The following TM7SF3 variants were observed in gnomAD, a reference collection of about 807,000 sequenced individuals.
TM7SF3 encodes the protein transmembrane 7 superfamily member 3.
A neutral mutation model predicts 65.5 loss-of-function variants in TM7SF3; 60 were observed. The ratio of observed to expected loss-of-function variants is 0.92; its 90% CI spans 0.74 to 1.14. TM7SF3 has a LOEUF of 1.14. Ranked by LOEUF, TM7SF3 falls within the 50% of genes most tolerant of loss-of-function variation. TM7SF3 has a pLI of 0.00. For synonymous variants in TM7SF3, 264 were observed against 259.6 expected, an observed-to-expected ratio of 1.02 and a Z score of -0.16; for missense variants, 623 against 684.8, an observed-to-expected ratio of 0.91 and a Z score of 1.01.
rs1940606974 is a variant in TM7SF3 at position 26,996,608 on chromosome 12, T to C, written c.518+134A>G. The stretch of plus-strand genomic sequence containing the variant: ...CCAAATATTAATAGTGAAGTTTAAA[T>C]TACATCAATTCCCCCCAAAAATTAA... On this transcript the variant is annotated intron_variant, in intron 4 of 11. Transcript: ENST00000343028. 16 of 859,636 alleles carry C rather than the reference T, an allele frequency of 1.9e-5. No homozygotes were observed. The East Asian group carries it at 4.6e-4, about 25-fold the overall frequency. The allele number at this position is 859,636 out of a possible 1,614,324, so 53.3% of individuals were successfully genotyped here.
intron 5 of TM7SF3, 97 bp downstream of exon 5, chr12:26,995,138 GAA>G: frequency 7.9e-7 from 1 of 1,259,082 alleles, no homozygotes; most frequent in Non-Finnish European, 1.1e-6. Context: ...CCAAAAAGGA[GAA>G]AAGAGTAAAG....
At chr12:26,991,045 T>C (rs567035911) in intron 5 of TM7SF3, among the ~76,000 whole-genome samples, 1 of 152,262 alleles carries the variant, frequency 6.6e-6, no homozygotes, top group Admixed American at 6.5e-5. Flanking sequence ...ACGCAGACAG[T>C]CTGTTAACAT....
Position 26,980,525 on chromosome 12 carries a change from C to T in TM7SF3, c.1036+41G>A, listed in dbSNP as rs371836694. ...AAGGTGAAGTAAAACACAGCACCTG[C>T]CTTCTTGAATACCCAGTTAAACTAT... On this transcript the variant is annotated intron_variant, in intron 8 of 11. Coordinates refer to ENST00000343028, the MANE Select transcript of TM7SF3 (RefSeq NM_016551.3). The T allele has an allele frequency of 2.6e-5, 26 of 1,010,410 alleles. No homozygotes were observed. The African/African-American group carries it at 4.2e-4, about 16-fold the overall frequency. The allele number at this position is 1,010,410 out of a possible 1,614,324, so 62.6% of individuals were successfully genotyped here.
At chr12:27,006,749 G>A (rs1941053415) in intron 1 of TM7SF3, among the ~76,000 whole-genome samples, 1 of 152,092 alleles carries the variant, frequency 6.6e-6, no homozygotes, top group Non-Finnish European at 1.5e-5. Context: ...CCATTTAACA[G>A]GTCTTATATA....
chr12:27,013,370 C>T (rs1941322956), intron 1 of TM7SF3, among the ~76,000 whole-genome samples: 1 of 152,144 alleles, frequency 6.6e-6, no homozygotes, highest in Non-Finnish European at 1.5e-5. Flanking sequence ...GTAAGGAGAA[C>T]AACTCTGATA....
chr12:26,999,159 G>T (rs1201581440), intron 3 of TM7SF3, among the ~76,000 whole-genome samples: 1 of 152,198 alleles, frequency 6.6e-6, no homozygotes, highest in Admixed American at 6.5e-5. Context: ...CACTTTGGGA[G>T]GCTGAGGCGG....
intron 1 of TM7SF3, among the ~76,000 whole-genome samples, chr12:27,008,563 G>A (rs1221471784): frequency 6.6e-6 from 1 of 152,002 alleles, no homozygotes; most frequent in African/African-American, 2.4e-5. Context: ...AGTCCCTTTT[G>A]TGTCATTTTA....
In TM7SF3 at chr12:27,002,709, T is replaced by C. The variant is rs147351796; in HGVS notation, c.246+527A>G. Among the ~76,000 whole-genome samples the C allele has an allele frequency of 6.7e-3, 1,014 of 152,312 alleles. 15 individuals carry two copies. Among genetic ancestry groups the C allele is most frequent in the African/African-American group, 0.022 (929 of 41,566 alleles). On this transcript the variant is annotated intron_variant, in intron 2 of 11. Transcript: ENST00000343028. ...CTGAGGTTGAGGTTAAGGGGTTTAG[T>C]GATGACATCTATAATAGAGTCCTTA...
chr12:26,975,388 G>T (rs1402503432), intron 11 of TM7SF3, 108 bp downstream of exon 11: 2 of 1,116,852 alleles, frequency 1.8e-6, no homozygotes, highest in African/African-American at 1.6e-5. Flanking sequence ...CCCTCCTTTT[G>T]TCCCAGTTGA....
chr12:26,985,678 TAC>T (rs551151393), intron 6 of TM7SF3, among the ~76,000 whole-genome samples: 16,485 of 108,160 alleles, frequency 0.15, 1,302 homozygotes, highest in Non-Finnish European at 0.18. Context: ...TATATATATA[TAC>T]ACACACACAA....
At chr12:27,009,808 T>C (rs1941178297) in intron 1 of TM7SF3, among the ~76,000 whole-genome samples, 1 of 152,168 alleles carries the variant, frequency 6.6e-6, no homozygotes, top group South Asian at 2.1e-4. Flanking sequence ...ACTCCTAACA[T>C]AGTGTTTGAT....
intron 1 of TM7SF3, among the ~76,000 whole-genome samples, chr12:27,009,517 T>C (rs1417299155): frequency 6.6e-6 from 1 of 152,274 alleles, no homozygotes; most frequent in African/African-American, 2.4e-5. Context: ...GAATACGTAA[T>C]GTTTCTTGAG....
chr12:26,999,446 A>G lies in TM7SF3; in HGVS notation c.397+80T>C, dbSNP rs113096836. The G allele has an allele frequency of 1.6e-3, 2,348 of 1,451,142 alleles. 22 individuals carry two copies. The African/African-American group carries it at 0.03, about 18-fold the overall frequency. 89.9% of individuals were successfully genotyped at this position (1,451,142 alleles called of 1,614,324 possible). A position where few individuals can be genotyped will look rare whatever the true frequency, so the allele number is the denominator to read the frequency against. On this transcript the variant is annotated intron_variant, in intron 3 of 11. Coordinates refer to ENST00000343028, the MANE Select transcript of TM7SF3 (RefSeq NM_016551.3). ...ATTATACTTGCAACAAACAATCTCA[A>G]TAGGATAATTTTCCTTAAAGTTTCA...
chr12:26,989,977 CCCT>C (rs2136409026), intron 6 of TM7SF3, among the ~76,000 whole-genome samples: 1 of 152,278 alleles, frequency 6.6e-6, no homozygotes, highest in East Asian at 1.9e-4. Flanking sequence ...ACTTCCTTTG[CCCT>C]CCTCGTTCTC....
intron 5 of TM7SF3, among the ~76,000 whole-genome samples, chr12:26,991,896 T>C (rs1940383890): frequency 1.3e-5 from 2 of 152,238 alleles, no homozygotes; most frequent in African/African-American, 2.4e-5. Context: ...TCACTGTGCA[T>C]GTCCTACCAC....
intron 1 of TM7SF3, among the ~76,000 whole-genome samples, chr12:27,009,706 T>C (rs1941174937): frequency 6.6e-6 from 1 of 152,188 alleles, no homozygotes; most frequent in Admixed American, 6.5e-5. Flanking sequence ...CCCTGCTTTT[T>C]CTTTTAAATG....
At chr12:26,996,917 T>C in intron 3 of TM7SF3, 55 bp from the exon 4 acceptor site, 3 of 1,546,734 alleles carry the variant, frequency 1.9e-6, no homozygotes, top group Non-Finnish European at 2.6e-6. Flanking sequence ...ATCCAAATCA[T>C]ACTCAGAAAA....
intron 5 of TM7SF3, 56 bp from the exon 6 acceptor site, chr12:26,990,683 G>A (rs1940317218): frequency 7.3e-7 from 1 of 1,364,122 alleles, no homozygotes; most frequent in South Asian, 1.3e-5. Flanking sequence ...AAGCTATTCT[G>A]TGATAATCCC....
intron 2 of TM7SF3, among the ~76,000 whole-genome samples, chr12:27,003,009 C>T (rs1440336947): frequency 6.6e-6 from 1 of 152,192 alleles, no homozygotes; most frequent in East Asian, 1.9e-4. Context: ...TTCTCCCCAG[C>T]TCAGCTCTCC....
Sources: gnomAD v4.1 joint callset for allele counts (sites outside exome capture counted in the v4.1 genomes callset) on GRCh38, gnomAD v4.1.1 for gene constraint, MANE v1.5 for transcripts, NCBI Gene and HGNC (gene_info 2026-07-23, HGNC 2026-07-21) for gene names.